Variants in PDE4DIP observed in about 807,000 individuals in gnomAD.
PDE4DIP encodes myomegalin.
In PDE4DIP, 59 loss-of-function variants were observed where a neutral mutation model predicts 221.4. That is an observed-to-expected ratio of 0.27 (90% CI 0.22 to 0.33). PDE4DIP has a LOEUF of 0.33. PDE4DIP is among the 10% of genes least tolerant of loss of function. The pLI, the probability that PDE4DIP is intolerant of heterozygous loss-of-function variation, is 1.00. For missense variants in PDE4DIP, 1,036 were observed against 2,154.2 expected (o/e 0.48, Z 10.28); for synonymous variants, 404 against 815.9 (o/e 0.50, Z 8.60).
chr1:148,962,341 T>C (rs2057135843), intron 8 of PDE4DIP, 53 bp downstream of exon 11: 52 of 1,503,234 alleles, frequency 3.5e-5, no homozygotes, highest in Non-Finnish European at 4.7e-5. Flanking sequence ...ATGTGCCATT[T>C]TGGTTGCAGT....
chr1:148,821,519 T>G (rs1778632), intron 1 of PDE4DIP, among the ~76,000 whole-genome samples: 1 of 150,022 alleles, frequency 6.7e-6, no homozygotes, highest in Non-Finnish European at 1.5e-5. Flanking sequence ...TTTAAAAAAA[T>G]TTCGTTAGAG....
intron 1 of PDE4DIP, among the ~76,000 whole-genome samples, chr1:148,907,051 A>T (rs1280547118): frequency 1.3e-5 from 2 of 151,350 alleles, no homozygotes; most frequent in African/African-American, 4.9e-5. Flanking sequence ...CTCCATCTCA[A>T]AAAAACCAAA....
intron 5 of PDE4DIP, among the ~76,000 whole-genome samples, chr1:148,946,480 C>T (rs1324934751): frequency 7.2e-6 from 1 of 138,080 alleles, no homozygotes; most frequent in African/African-American, 2.8e-5. Flanking sequence ...GCAGAGGTTG[C>T]AGTGAGTCGA....
At chr1:148,974,902 GC>G (rs587662906) in intron 17 of PDE4DIP, among the ~76,000 whole-genome samples, 1,167 of 84,392 alleles carry the variant, frequency 0.014, 7 homozygotes, top group Non-Finnish European at 0.019. Flanking sequence ...AGTGGCTCAT[GC>G]CTGTAATCAC....
chr1:148,902,864 T>G (rs1189427593), intron 1 of PDE4DIP, among the ~76,000 whole-genome samples: 3 of 114,766 alleles, frequency 2.6e-5, no homozygotes, highest in Admixed American at 9.0e-5. Flanking sequence ...CTGCTATACA[T>G]ATGCGTGTTC....
exon 44 of PDE4DIP, chr1:149,032,206 C>G: frequency 6.3e-6 from 5 of 799,710 alleles, no homozygotes; most frequent in South Asian, 5.1e-5. Flanking sequence ...CTATGGAATA[C>G]GATTAGCCAA....
chr1:148,979,796 A>G (rs1338175532), exon 20 of PDE4DIP: 1 of 1,613,650 alleles, frequency 6.2e-7, no homozygotes, highest in African/African-American at 1.3e-5. Flanking sequence ...AGGCCTTACA[A>G]GCAGAGAGAC....
Position 148,879,014 on chromosome 1 carries a change from CTTGGTTT to C in PDE4DIP, c.441+10401_441+10407del, listed in dbSNP as rs1692533982. ...GGCATTCATGGTATCACTGTGGACT[CTTGGTTT>C]TTGGTTTTGTTTTGTTTTTTTTTTT... On this transcript the variant is annotated intron_variant, in intron 3 of 45. Transcript: ENST00000524974. Among the ~76,000 whole-genome samples, 3 of 47,802 alleles carry C rather than the reference CTTGGTTT, an allele frequency of 6.3e-5. No individual in the cohort carries two copies. In the South Asian group the frequency reaches 2.0e-3, roughly 32 times the overall value. 31.4% of individuals were successfully genotyped at this position (47,802 alleles called of 152,430 possible). A position where few individuals can be genotyped will look rare whatever the true frequency, so the allele number is the denominator to read the frequency against.
chr1:148,931,763 T>C (rs2048060664), intron 2 of PDE4DIP, 37 bp from the exon 6 acceptor site: 1 of 1,467,766 alleles, frequency 6.8e-7, no homozygotes, highest in African/African-American at 1.4e-5. Flanking sequence ...CTAAACTGTA[T>C]GTCTGGCTCT....
intron 37 of PDE4DIP, among the ~76,000 whole-genome samples, chr1:149,022,437 C>A (rs1343699402): frequency 4.0e-5 from 6 of 151,782 alleles, no homozygotes; most frequent in Non-Finnish European, 7.4e-5. Flanking sequence ...ATTTTATGTC[C>A]CTCCAGAAGG....
At chr1:148,991,499 A>T (rs1332921449) in intron 21 of PDE4DIP, 4 of 937,434 alleles carry the variant, frequency 4.3e-6, no homozygotes, top group Non-Finnish European at 5.1e-6. Context: ...CCAGGCACTC[A>T]GTGGTGGGGA....
At chr1:149,009,674 C>T (rs587651659) in exon 30 of PDE4DIP, 2 of 1,614,074 alleles carry the variant, frequency 1.2e-6, no homozygotes, top group Non-Finnish European at 1.7e-6. Flanking sequence ...GTCTGACTCC[C>T]ACCGCTCTCC....
chr1:148,939,954 A>G (rs2050159446), intron 5 of PDE4DIP: 1 of 151,812 alleles, frequency 6.6e-6, no homozygotes, highest in Non-Finnish European at 1.5e-5. Context: ...ATCTTATTTC[A>G]GAATTTTATT....
At position 149,020,034 on chromosome 1, in the gene PDE4DIP, G is replaced by C; in HGVS notation, c.5771-113G>C. On this transcript the variant is annotated intron_variant, in intron 35 of 43. Coordinates refer to ENST00000369354, the Ensembl canonical transcript of PDE4DIP. ...AGCATGCTCTTCCCACCAACATAGG[G>C]CCTTCCTTCCCTGCTCCTTAGCTCT... 8.5e-6 allele frequency: 5 copies of C among 590,360 alleles called. No homozygotes were observed. In the South Asian group the frequency reaches 1.1e-4, roughly 13 times the overall value. 36.6% of individuals were successfully genotyped at this position (590,360 alleles called of 1,614,324 possible).
At chr1:148,947,082 G>T (rs868958948) in intron 5 of PDE4DIP, among the ~76,000 whole-genome samples, 11 of 152,424 alleles carry the variant, frequency 7.2e-5, no homozygotes, top group African/African-American at 2.6e-4. Context: ...TAAACTGAAA[G>T]CTCATTGAAG....
intron 1 of PDE4DIP, among the ~76,000 whole-genome samples, chr1:148,893,138 A>G: frequency 8.6e-6 from 1 of 116,418 alleles, no homozygotes; most frequent in Non-Finnish European, 1.7e-5. Flanking sequence ...GCAGAGATTG[A>G]GGTCTCACTC....
At chr1:148,824,462 T>C (rs522178) in intron 1 of PDE4DIP, among the ~76,000 whole-genome samples, 68,282 of 108,168 alleles carry the variant, frequency 0.63, 18,471 homozygotes, top group East Asian at 0.87. Context: ...ACTGCTGCCC[T>C]ACTGTATTCA....
chr1:148,905,145 G>C (rs1316175198), intron 1 of PDE4DIP, among the ~76,000 whole-genome samples: 1 of 93,648 alleles, frequency 1.1e-5, no homozygotes, highest in Non-Finnish European at 2.1e-5. Context: ...TAGGAGGGTT[G>C]TATCTTTCCA....
At chr1:148,996,670 G>A (rs2064297700) in intron 22 of PDE4DIP, among the ~76,000 whole-genome samples, 1 of 152,118 alleles carries the variant, frequency 6.6e-6, no homozygotes, top group Non-Finnish European at 1.5e-5. Context: ...CCACAAACCT[G>A]TGACCTACAT....
Sources: gnomAD v4.1 joint callset for allele counts (sites outside exome capture counted in the v4.1 genomes callset) on GRCh38, gnomAD v4.1.1 for gene constraint, MANE v1.5 for transcripts, NCBI Gene and HGNC (gene_info 2026-07-23, HGNC 2026-07-21) for gene names.